Variants in MEIKIN observed in about 807,000 individuals in gnomAD.
MEIKIN encodes meiotic kinetochore factor.
At chr5:131,857,891 C>T (rs1750222993) in intron 9 of MEIKIN, among the ~76,000 whole-genome samples, 1 of 152,208 alleles carries the variant, frequency 6.6e-6, no homozygotes, top group African/African-American at 2.4e-5. Context: ...TCTGCCCTGC[C>T]AATGTGGCCT....
intron 8 of MEIKIN, among the ~76,000 whole-genome samples, chr5:131,882,673 A>G (rs567497413): frequency 8.5e-5 from 13 of 152,200 alleles, no homozygotes; most frequent in Non-Finnish European, 1.9e-4. Flanking sequence ...ATTTAGAATA[A>G]AATCCATAGT....
rs531709044 is a variant in MEIKIN, at chr5:131,835,327, T to A, written c.975+15937A>T. On this transcript the variant is annotated intron_variant, in intron 11 of 12. Transcript: ENST00000442687. ...CTAACATTCTATAGGTGTGTATTCA[T>A]CACGTTGTTTTCTTTGCTGCACTGA... Among the ~76,000 whole-genome samples, 12 of 152,230 alleles carry A rather than the reference T, an allele frequency of 7.9e-5. No individual in the cohort carries two copies. In the East Asian group the frequency reaches 2.3e-3, roughly 29 times the overall value.
chr5:131,918,235 G>A (rs776988387), intron 6 of MEIKIN, among the ~76,000 whole-genome samples: 8 of 152,160 alleles, frequency 5.3e-5, no homozygotes, highest in Non-Finnish European at 1.0e-4. Flanking sequence ...GGATCCTACC[G>A]ATATCATTTG....
At chr5:131,843,511 G>C (rs1749956354) in intron 11 of MEIKIN, among the ~76,000 whole-genome samples, 1 of 152,180 alleles carries the variant, frequency 6.6e-6, no homozygotes, top group Non-Finnish European at 1.5e-5. Flanking sequence ...TGAATGCTTT[G>C]CTTAAAAATT....
intron 9 of MEIKIN, among the ~76,000 whole-genome samples, chr5:131,863,961 A>G (rs1750334727): frequency 6.6e-6 from 1 of 152,190 alleles, no homozygotes; most frequent in Admixed American, 6.5e-5. Flanking sequence ...CTGTAAGTCC[A>G]TTAAACCTTT....
intron 9 of MEIKIN, among the ~76,000 whole-genome samples, chr5:131,874,836 CAACGTACGAA>C (rs1750581826): frequency 6.6e-6 from 1 of 152,162 alleles, no homozygotes; most frequent in African/African-American, 2.4e-5. Flanking sequence ...AAGGCTGGTT[CAACGTACGAA>C]AATCAATAAA....
chr5:131,816,866 T>C (rs1773112404), intron 12 of MEIKIN, among the ~76,000 whole-genome samples: 1 of 152,150 alleles, frequency 6.6e-6, no homozygotes, highest in Non-Finnish European at 1.5e-5. Flanking sequence ...CAATATATTA[T>C]TGTGATGGTC....
At chr5:131,828,948 G>T (rs1333447589) in intron 11 of MEIKIN, among the ~76,000 whole-genome samples, 1 of 151,952 alleles carries the variant, frequency 6.6e-6, no homozygotes, top group Non-Finnish European at 1.5e-5. Context: ...CAAACTTGTT[G>T]GATAAAGCTA....
chr5:131,932,362 T>A (rs1322024948), intron 5 of MEIKIN, among the ~76,000 whole-genome samples: 2 of 152,222 alleles, frequency 1.3e-5, no homozygotes, highest in African/African-American at 4.8e-5. Flanking sequence ...GATCTGCAGA[T>A]CAGCTGGGGC....
chr5:131,871,758 G>A (rs1177816380), intron 9 of MEIKIN, among the ~76,000 whole-genome samples: 8 of 152,018 alleles, frequency 5.3e-5, no homozygotes, highest in East Asian at 3.9e-4. Context: ...CAGTAGGGGC[G>A]GACTGACACC....
chr5:131,928,182 T>C (rs933225365), intron 5 of MEIKIN, among the ~76,000 whole-genome samples: 2 of 151,938 alleles, frequency 1.3e-5, no homozygotes, highest in African/African-American at 4.8e-5. Flanking sequence ...GGGTCACTTG[T>C]AGACATCACA....
chr5:131,864,100 G>GT (rs1750338571), intron 9 of MEIKIN, among the ~76,000 whole-genome samples: 3 of 151,918 alleles, frequency 2.0e-5, no homozygotes, highest in Admixed American at 6.6e-5. Context: ...GTTGAATCAT[G>GT]TTTTTTTAAT....
chr5:131,896,186 T>C (rs1751047187), intron 8 of MEIKIN, among the ~76,000 whole-genome samples: 1 of 152,182 alleles, frequency 6.6e-6, no homozygotes, highest in Non-Finnish European at 1.5e-5. Flanking sequence ...TTCCATGTAG[T>C]TGTGTGGTTT....
At chr5:131,874,791 C>T (rs1244109757) in intron 9 of MEIKIN, among the ~76,000 whole-genome samples, 1 of 152,182 alleles carries the variant, frequency 6.6e-6, no homozygotes, top group Non-Finnish European at 1.5e-5. Flanking sequence ...AAAAGCTTAT[C>T]CACCATGATC....
chr5:131,819,765 A>ATTTTTTTTTTTTT (rs1167213249), intron 11 of MEIKIN, among the ~76,000 whole-genome samples: 3 of 64,574 alleles, frequency 4.6e-5, no homozygotes, highest in African/African-American at 2.3e-4. Context: ...ACATCCAGCT[A>ATTTTTTTTTTTTT]TTTTTTTTTT....
At chr5:131,839,199 G>T (rs1274664759) in intron 11 of MEIKIN, among the ~76,000 whole-genome samples, 3 of 152,108 alleles carry the variant, frequency 2.0e-5, no homozygotes, top group Non-Finnish European at 4.4e-5. Flanking sequence ...ATTATTAATG[G>T]TGCTGTAGTC....
chr5:131,885,366 A>C, intron 8 of MEIKIN, among the ~76,000 whole-genome samples: 1 of 69,064 alleles, frequency 1.4e-5, no homozygotes, highest in South Asian at 5.5e-4. Context: ...AGAGAGAGAG[A>C]GAGAGAGAGA....
intron 9 of MEIKIN, among the ~76,000 whole-genome samples, chr5:131,872,200 G>A (rs1166880316): frequency 4.0e-5 from 6 of 151,830 alleles, no homozygotes; most frequent in Admixed American, 1.3e-4. Context: ...AAACTACTCC[G>A]AGCTAAAGGA....
intron 5 of MEIKIN, among the ~76,000 whole-genome samples, chr5:131,929,258 A>T (rs1256944709): frequency 6.6e-6 from 1 of 152,122 alleles, no homozygotes; most frequent in Non-Finnish European, 1.5e-5. Flanking sequence ...CAACTCATTT[A>T]TACTGTTTCT....
Sources: gnomAD v4.1 joint callset for allele counts (sites outside exome capture counted in the v4.1 genomes callset) on GRCh38, gnomAD v4.1.1 for gene constraint, MANE v1.5 for transcripts, NCBI Gene and HGNC (gene_info 2026-07-23, HGNC 2026-07-21) for gene names.